EPHB1: variants seen among roughly 807,000 people sequenced by gnomAD.
EPHB1 encodes EPH receptor B1.
A neutral mutation model predicts 94.4 loss-of-function variants in EPHB1; 30 were observed. The observed-to-expected ratio is 0.32, with a 90% CI of 0.24 to 0.43. EPHB1 has a LOEUF of 0.43. Among genes scored for constraint, EPHB1 ranks in the 20% least tolerant of loss-of-function variants. The probability of loss-of-function intolerance (pLI) is 1.00; values close to 1 mark genes in which losing one functional copy is unlikely to be tolerated. For synonymous variants in EPHB1, 522 were observed against 489.1 expected, an observed-to-expected ratio of 1.07 and a Z score of -0.89; for missense variants, 1,055 against 1,308.3, an observed-to-expected ratio of 0.81 and a Z score of 2.99.
chr3:134,918,109 C>T (rs2038609054), intron 1 of EPHB1, among the ~76,000 whole-genome samples: 1 of 152,212 alleles, frequency 6.6e-6, no homozygotes, highest in Non-Finnish European at 1.5e-5. Flanking sequence ...CAGCTCTGTG[C>T]TCTGAAGTTA....
intron 3 of EPHB1, among the ~76,000 whole-genome samples, chr3:135,055,815 G>A (rs1052871275): frequency 1.3e-5 from 2 of 152,156 alleles, no homozygotes; most frequent in African/African-American, 4.8e-5. Context: ...TAGGGTGAAG[G>A]CTGTCACCAC....
chr3:135,117,684 G>A lies in EPHB1; in HGVS notation c.961+11081G>A, dbSNP rs114239613. ...CCCTTCCCATTCTGGAGACTAGTAG[G>A]TTGTGGCAATGGTACTAATAGGAAT... On this transcript the variant is annotated intron_variant, in intron 4 of 15. Coordinates refer to ENST00000398015, the MANE Select transcript of EPHB1 (RefSeq NM_004441.5). Among the ~76,000 whole-genome samples the A allele has an allele frequency of 6.8e-3, 1,033 of 152,336 alleles. 16 individuals carry two copies. The highest frequency in any genetic ancestry group is 0.023 in the African/African-American group (973 of 41,564).
chr3:134,820,380 C>A (rs987191947), intron 1 of EPHB1, among the ~76,000 whole-genome samples: 9 of 152,200 alleles, frequency 5.9e-5, no homozygotes, highest in Non-Finnish European at 1.2e-4. Context: ...GGCCTCTCTA[C>A]CAGAGGGCTC....
Position 135,192,599 on chromosome 3 carries a change from G to A in EPHB1, c.1906G>A (p.Gly636Arg). 1 of 1,613,848 alleles carries A rather than the reference G, an allele frequency of 6.2e-7. No individual in the cohort carries two copies. Among genetic ancestry groups the A allele is most frequent in the Non-Finnish European group, 8.5e-7 (1 of 1,179,864 alleles). ...GAGEFGEVYK[G>R]RLKLPGKREI... is the part of the protein sequence containing the mutation. ...AGGGGAGTTTGGAGAAGTGTACAAG[G>A]GGCGTTTGAAACTGCCAGGCAAGAG... Residue 636 changes from glycine to arginine, a missense_variant, in exon 11 of 16, where the codon GGG becomes AGG. Coordinates refer to ENST00000398015, the MANE Select transcript of EPHB1 (RefSeq NM_004441.5).
chr3:135,006,197 C>T (rs1029054147), intron 3 of EPHB1, among the ~76,000 whole-genome samples: 9 of 152,150 alleles, frequency 5.9e-5, no homozygotes, highest in East Asian at 5.8e-4. Flanking sequence ...AGTGTAAGAA[C>T]GGACTAATAC....
At chr3:134,883,024 G>A (rs565843578) in intron 1 of EPHB1, among the ~76,000 whole-genome samples, 5 of 151,936 alleles carry the variant, frequency 3.3e-5, no homozygotes, top group Admixed American at 6.6e-5. Flanking sequence ...GGGTTTCACC[G>A]TGTTAGCCAG....
chr3:135,130,789 C>G (rs1415207037), intron 4 of EPHB1, among the ~76,000 whole-genome samples: 1 of 152,174 alleles, frequency 6.6e-6, no homozygotes, highest in East Asian at 1.9e-4. Flanking sequence ...AGATTCACCC[C>G]ACACCTAGTA....
chr3:135,126,054 C>T (rs899765703), intron 4 of EPHB1, among the ~76,000 whole-genome samples: 5 of 152,214 alleles, frequency 3.3e-5, no homozygotes, highest in Admixed American at 1.3e-4. Context: ...AATTCTGGAC[C>T]ATGCTACTTT....
At chr3:135,253,412 G>T (rs1425782311) in intron 15 of EPHB1, among the ~76,000 whole-genome samples, 1 of 148,580 alleles carries the variant, frequency 6.7e-6, no homozygotes, top group African/African-American at 2.5e-5. Flanking sequence ...AAGGGATCCA[G>T]TTTCAGCTTT....
intron 2 of EPHB1, among the ~76,000 whole-genome samples, chr3:134,927,677 T>C (rs1560300618): frequency 6.6e-6 from 1 of 152,232 alleles, no homozygotes; most frequent in Non-Finnish European, 1.5e-5. Context: ...ACTTCTGATA[T>C]CCTTTCCCAA....
intron 1 of EPHB1, among the ~76,000 whole-genome samples, chr3:134,890,865 T>C (rs1016282329): frequency 3.3e-5 from 5 of 152,210 alleles, no homozygotes; most frequent in African/African-American, 1.2e-4. Context: ...CAATTTATCT[T>C]GTTTGTAATG....
At chr3:135,005,613 C>G (rs1935370996) in intron 3 of EPHB1, among the ~76,000 whole-genome samples, 2 of 152,242 alleles carry the variant, frequency 1.3e-5, no homozygotes, top group South Asian at 2.1e-4. Flanking sequence ...CAGCGAGACT[C>G]CGTGGGTGTA....
intron 12 of EPHB1, among the ~76,000 whole-genome samples, chr3:135,204,890 T>TC (rs1403078407): frequency 7.0e-6 from 1 of 142,800 alleles, no homozygotes; most frequent in East Asian, 2.0e-4. Context: ...TCTTTTTTTT[T>TC]TTTTTTTTTT....
intron 12 of EPHB1, among the ~76,000 whole-genome samples, chr3:135,230,100 G>A (rs372088799): frequency 6.6e-6 from 1 of 152,124 alleles, no homozygotes; most frequent in South Asian, 2.1e-4. Flanking sequence ...GAGGCTCTGG[G>A]AAAAAGTACA....
chr3:135,159,645 G>A (rs919386459), intron 6 of EPHB1, among the ~76,000 whole-genome samples: 1 of 152,218 alleles, frequency 6.6e-6, no homozygotes, highest in Non-Finnish European at 1.5e-5. Context: ...TGGGGGTGGG[G>A]AGGATCCCCT....
At chr3:135,198,683 T>C (rs1404219077) in intron 11 of EPHB1, among the ~76,000 whole-genome samples, 1 of 152,204 alleles carries the variant, frequency 6.6e-6, no homozygotes, top group African/African-American at 2.4e-5. Flanking sequence ...ACAGGGGAAC[T>C]GACTTGTGAG....
At chr3:134,971,207 A>G (rs1484091344) in intron 3 of EPHB1, among the ~76,000 whole-genome samples, 2 of 152,224 alleles carry the variant, frequency 1.3e-5, no homozygotes, top group East Asian at 3.8e-4. Flanking sequence ...AAGCAGCACA[A>G]AGATACAGAG....
At chr3:135,186,510 G>T (rs1165068888) in intron 10 of EPHB1, among the ~76,000 whole-genome samples, 2 of 152,100 alleles carry the variant, frequency 1.3e-5, no homozygotes, top group African/African-American at 4.8e-5. Context: ...TCCATTTCTG[G>T]TGTAAGCTTG....
chr3:135,047,750 T>A (rs1049099764), intron 3 of EPHB1, among the ~76,000 whole-genome samples: 21 of 152,234 alleles, frequency 1.4e-4, no homozygotes, highest in Admixed American at 1.3e-3. Context: ...TGTAGGCCAG[T>A]GCTTCTAGAA....
Sources: gnomAD v4.1 joint callset for allele counts (sites outside exome capture counted in the v4.1 genomes callset) on GRCh38, gnomAD v4.1.1 for gene constraint, MANE v1.5 for transcripts, NCBI Gene and HGNC (gene_info 2026-07-23, HGNC 2026-07-21) for gene names.